The following ANK2 variants were observed in gnomAD, a reference collection of about 807,000 sequenced individuals.
ANK2 encodes the protein ankyrin-2.
ANK2 carries 83 observed loss-of-function variants against 360.5 expected under a neutral mutation model. The ratio of observed to expected loss-of-function variants is 0.23; its 90% CI spans 0.19 to 0.28. The LOEUF (loss-of-function observed/expected upper bound fraction) is 0.28, where lower values mean the gene tolerates loss of function less well. Among genes scored for constraint, ANK2 ranks in the 10% least tolerant of loss-of-function variants. The pLI is 1.00. For synonymous variants in ANK2, 1,740 were observed against 1,759.5 expected (o/e 0.99, Z 0.28); for missense variants, 4,201 against 4,795.7 (o/e 0.88, Z 3.66).
intron 1 of ANK2, chr4:112,880,605 A>G (rs1188671431): frequency 1.3e-5 from 2 of 152,238 alleles, no homozygotes; most frequent in Non-Finnish European, 2.9e-5. Flanking sequence ...TTAGCTCCAG[A>G]GATTAAAAGA....
intron 1 of ANK2, among the ~76,000 whole-genome samples, chr4:112,847,197 G>A (rs112289766): frequency 6.6e-6 from 1 of 152,126 alleles, no homozygotes; most frequent in East Asian, 1.9e-4. Context: ...CTACAGATCC[G>A]GCTGCTTTGT....
chr4:112,726,903 G>A, the ANK2 span, among the ~76,000 whole-genome samples: 1,377 of 150,988 alleles, frequency 9.1e-3, 20 homozygotes, highest in African/African-American at 0.031. Flanking sequence ...AGTTTAAAAG[G>A]TATGGAAATC....
intron 14 of ANK2, among the ~76,000 whole-genome samples, chr4:113,269,323 G>GA (rs952069631): frequency 2.0e-5 from 3 of 151,992 alleles, no homozygotes; most frequent in African/African-American, 4.8e-5. Flanking sequence ...ACGGTGGTAT[G>GA]AAAAAAAACT....
At chr4:113,186,783 A>T (rs1049780864) in intron 2 of ANK2, among the ~76,000 whole-genome samples, 5 of 152,168 alleles carry the variant, frequency 3.3e-5, no homozygotes, top group African/African-American at 1.2e-4. Context: ...GAAAAAAAGG[A>T]ATTTGTGTAG....
rs562971901 is a variant in ANK2, at chr4:113,276,555, A to G, written c.1684-1282A>G. 7.2e-5 allele frequency among the ~76,000 whole-genome samples: 11 copies of G among 152,242 alleles called. No individual in the cohort carries two copies. In the East Asian group the frequency reaches 7.7e-4, roughly 11 times the overall value. ...AGAACTCTGTTTCATCCTGAGTATC[A>G]CCCTAATCATTGTGTGCATTGAGTG... On this transcript the variant is annotated intron_variant, in intron 15 of 45. Transcript: ENST00000357077.
intron 1 of ANK2, among the ~76,000 whole-genome samples, chr4:112,819,212 A>G (rs2056278166): frequency 6.6e-6 from 1 of 152,224 alleles, no homozygotes; most frequent in South Asian, 2.1e-4. Flanking sequence ...AAGGAGATAT[A>G]AAGGGGAATT....
rs1168726380 is a variant in ANK2, at chr4:113,369,548, C to G, written c.11353C>G (p.Gln3785Glu). ...TCCAGGAACAGAAACATCAGAGACT[C>G]AGAAGGCTATGATAGTACCCAGCTC... ...TTPGTETSET[Q>E]KAMIVPSSPS... Residue 3785 changes from glutamine (Q) to glutamate (E), a missense_variant, in exon 43 of 46, where the codon CAG becomes GAG. By Grantham distance (29) the Gln-to-Glu change is conservative. Transcript: ENST00000357077. 6.2e-7 allele frequency: 1 copy of G among 1,613,952 alleles called. No homozygotes were observed. Among genetic ancestry groups the G allele is most frequent in the African/African-American group, 1.3e-5 (1 of 74,894 alleles).
At chr4:112,985,855 G>T (rs916078684) in intron 2 of ANK2, among the ~76,000 whole-genome samples, 5 of 151,702 alleles carry the variant, frequency 3.3e-5, no homozygotes, top group African/African-American at 1.2e-4. Flanking sequence ...TGGGGGTGAG[G>T]GATAAAAGAC....
intron 5 of ANK2, 118 bp downstream of exon 5, chr4:113,232,377 C>A: frequency 1.3e-6 from 1 of 797,490 alleles, no homozygotes; most frequent in Non-Finnish European, 2.1e-6. Flanking sequence ...GTTCATGTTA[C>A]TATTATAATC....
chr4:112,788,324 T>C, the ANK2 span: 2 of 1,559,748 alleles, frequency 1.3e-6, no homozygotes, highest in South Asian at 1.1e-5. Context: ...CAGTCTTGCC[T>C]TCCTCTTGAT....
At chr4:113,155,140 A>G (rs1444407115) in intron 1 of ANK2, among the ~76,000 whole-genome samples, 2 of 152,232 alleles carry the variant, frequency 1.3e-5, no homozygotes, top group Non-Finnish European at 2.9e-5. Flanking sequence ...TAGATTCTGT[A>G]ATGGCATACT....
the ANK2 span, among the ~76,000 whole-genome samples, chr4:112,728,890 C>A: frequency 1.3e-5 from 2 of 151,902 alleles, no homozygotes; most frequent in East Asian, 1.9e-4. Context: ...GAAAAAGAAA[C>A]CCTTGGTTGG....
At chr4:113,340,861 A>AT (rs1435678187) in intron 32 of ANK2, among the ~76,000 whole-genome samples, 3 of 151,758 alleles carry the variant, frequency 2.0e-5, no homozygotes, top group African/African-American at 7.3e-5. Context: ...AAAAAAAAAA[A>AT]AGAAAAACAA....
the ANK2 span, among the ~76,000 whole-genome samples, chr4:112,725,452 C>T: frequency 6.8e-6 from 1 of 147,836 alleles, no homozygotes; most frequent in Non-Finnish European, 1.5e-5. Flanking sequence ...CCTCTGCCTC[C>T]CGGGTTCACG....
chr4:113,093,496 G>A (rs2089571552), intron 1 of ANK2, among the ~76,000 whole-genome samples: 1 of 151,892 alleles, frequency 6.6e-6, no homozygotes, highest in Admixed American at 6.6e-5. Flanking sequence ...CCACCATTAC[G>A]ACTGGCTAAT....
chr4:113,350,154 C>A, intron 36 of ANK2, 74 bp from the exon 37 acceptor site: 4 of 1,385,706 alleles, frequency 2.9e-6, no homozygotes, highest in Non-Finnish European at 4.1e-6. Context: ...TGAATAGGAG[C>A]TTTTTGTGCA....
intron 1 of ANK2, among the ~76,000 whole-genome samples, chr4:113,095,806 C>T (rs1349358679): frequency 6.6e-6 from 1 of 152,134 alleles, no homozygotes; most frequent in African/African-American, 2.4e-5. Context: ...ATTATGTCTT[C>T]CTACAGTTTT....
intron 1 of ANK2, among the ~76,000 whole-genome samples, chr4:113,158,512 A>T (rs1422359151): frequency 6.6e-6 from 1 of 152,118 alleles, no homozygotes; most frequent in Non-Finnish European, 1.5e-5. Flanking sequence ...AAAAAAAAAT[A>T]AACCAAATCA....
At chr4:113,243,645 T>G (rs2086039152) in intron 9 of ANK2, among the ~76,000 whole-genome samples, 2 of 152,196 alleles carry the variant, frequency 1.3e-5, no homozygotes, top group African/African-American at 4.8e-5. Flanking sequence ...CTTACCATAC[T>G]GTGAGTATAC....
Sources: gnomAD v4.1 joint callset for allele counts (sites outside exome capture counted in the v4.1 genomes callset) on GRCh38, gnomAD v4.1.1 for gene constraint, MANE v1.5 for transcripts, NCBI Gene and HGNC (gene_info 2026-07-23, HGNC 2026-07-21) for gene names.